CREB3L1: variants seen among roughly 807,000 people sequenced by gnomAD.
The protein encoded by CREB3L1 is cyclic AMP-responsive element-binding protein 3-like protein 1.
CREB3L1 carries 33 observed loss-of-function variants against 54.5 expected under a neutral mutation model. The observed-to-expected ratio is 0.61, with a 90% CI of 0.46 to 0.81. CREB3L1 has a LOEUF of 0.81. Ranked by LOEUF, CREB3L1 falls within the 30% of genes least tolerant of loss-of-function variation. The pLI, the probability that CREB3L1 is intolerant of heterozygous loss-of-function variation, is 0.00. For missense variants in CREB3L1, 656 were observed against 673.3 expected (o/e 0.97, Z 0.29); for synonymous variants, 284 against 286.4 (o/e 0.99, Z 0.08).
rs1939000258 is a variant in CREB3L1, at chr11:46,282,896, T to A, written c.102+4683T>A. ...GCAATAAATATGCCCAGTCAAAAATTTCCAATTATGTTCCTTTGCGGTGAC... is the reference window on the plus strand; with the variant it reads ...GCAATAAATATGCCCAGTCAAAAATATCCAATTATGTTCCTTTGCGGTGAC... On this transcript the variant is annotated intron_variant, in intron 1 of 11. Coordinates refer to ENST00000621158, the MANE Select transcript of CREB3L1 (RefSeq NM_052854.4). 2.0e-5 allele frequency among the ~76,000 whole-genome samples: 3 copies of A among 152,318 alleles called. No individual in the cohort carries two copies. In the South Asian group the frequency reaches 6.2e-4, roughly 32 times the overall value.
intron 3 of CREB3L1, among the ~76,000 whole-genome samples, chr11:46,308,941 G>A (rs937052169): frequency 6.6e-6 from 1 of 152,240 alleles, no homozygotes; most frequent in Admixed American, 6.5e-5. Flanking sequence ...GGGAAGAGGA[G>A]ACTTCAGAAA....
Position 46,316,378 on chromosome 11 carries a change from G to A in CREB3L1, c.1124G>A (p.Cys375Tyr), listed in dbSNP as rs1401379839. ...ATGGCCGCCACCCAGACTGGGACCT[G>A]CCTCATGGTAGGTGTGGCTCCCTCC... Reference protein sequence around the residue: ...YKMAATQTGTCLMVAALCFVL... With the variant: ...YKMAATQTGTYLMVAALCFVL... The change falls in exon 9 of 12, where the codon TGC becomes TAC. Residue 375 changes from cysteine (C) to tyrosine (Y), a missense_variant. Around this residue, in one of 3 missense-constraint regions of CREB3L1, gnomAD observed 240 missense variants for 219.8 expected, o/e 1.09. Transcript: ENST00000621158. 3.9e-6 allele frequency: 6 copies of A among 1,555,604 alleles called. No homozygotes were observed. Among genetic ancestry groups the A allele is most frequent in the Non-Finnish European group, 5.2e-6 (6 of 1,146,330 alleles).
intron 7 of CREB3L1, 60 bp from the exon 8 acceptor site, chr11:46,312,791 C>A: frequency 6.5e-7 from 1 of 1,549,178 alleles, no homozygotes; most frequent in Non-Finnish European, 8.8e-7. Context: ...TGGGCTGGGC[C>A]GAGGAGCTGT....
chr11:46,295,180 C>G lies in CREB3L1; in HGVS notation c.103-4755C>G, dbSNP rs565788653. 1.3e-5 allele frequency: 2 copies of G among 152,672 alleles called. No homozygotes were observed. Among genetic ancestry groups the G allele is most frequent in the Admixed American group, 1.3e-4 (2 of 15,304 alleles). 9.5% of individuals were successfully genotyped at this position (152,672 alleles called of 1,614,324 possible). On this transcript the variant is annotated intron_variant, in intron 1 of 11. Coordinates refer to ENST00000621158, the MANE Select transcript of CREB3L1 (RefSeq NM_052854.4). This position sits in a 1 kb window ranked among gnomAD's most constrained non-coding sequence, Gnocchi z 4.6. ...AACCATTCTCCTACACCGACCCCAG[C>G]AGGCAGCTGCGCCCCCAGAGCTTTA...
chr11:46,283,319 A>G (rs546312238), intron 1 of CREB3L1, among the ~76,000 whole-genome samples: 15 of 152,262 alleles, frequency 9.9e-5, no homozygotes, highest in Non-Finnish European at 2.2e-4. Context: ...AAAAAGCAGG[A>G]AAGTAAAAAT....
chr11:46,302,219 G>T (rs1040645458), intron 2 of CREB3L1, among the ~76,000 whole-genome samples: 2 of 142,422 alleles, frequency 1.4e-5, no homozygotes, highest in Non-Finnish European at 3.1e-5. Flanking sequence ...ATAATAATAA[G>T]CTGTAGACAA....
intron 2 of CREB3L1, among the ~76,000 whole-genome samples, chr11:46,300,771 C>T (rs1939285850): frequency 2.7e-5 from 4 of 149,730 alleles, no homozygotes; most frequent in South Asian, 2.1e-4. Flanking sequence ...TCTGGGAGGC[C>T]GAGGCAGGCG....
chr11:46,304,989 G>A (rs904332968), intron 2 of CREB3L1, among the ~76,000 whole-genome samples: 4 of 152,220 alleles, frequency 2.6e-5, no homozygotes, highest in African/African-American at 9.6e-5. Flanking sequence ...CTGTGGCCCA[G>A]AGCTGGGGCA....
In CREB3L1 at chr11:46,307,882, G is replaced by A. The variant is rs760202144; in HGVS notation, c.398G>A (p.Ser133Asn). Residue 133 changes from serine to asparagine, a missense_variant, in exon 3 of 12, where the codon AGC becomes AAC. By Grantham distance (46) the Ser-to-Asn change is conservative. Transcript: ENST00000621158. ...TCCATCATGGTGAAGCAGGAGCAGA[G>A]CCCGGAGCTGCCCGTGGACCCTCTG... Reference protein sequence around the residue: ...LCSIMVKQEQSPELPVDPLAA... With the variant: ...LCSIMVKQEQNPELPVDPLAA... 14 of 1,578,872 alleles carry A rather than the reference G, an allele frequency of 8.9e-6. No homozygotes were observed. The African/African-American group carries it at 1.6e-4, about 18-fold the overall frequency.
chr11:46,282,756 C>T (rs538930671), intron 1 of CREB3L1, among the ~76,000 whole-genome samples: 27 of 152,250 alleles, frequency 1.8e-4, no homozygotes, highest in East Asian at 9.6e-4. Context: ...ATTTCCTCCA[C>T]GAGAAAGTAA....
At chr11:46,314,426 G>A (rs1939535671) in intron 8 of CREB3L1, among the ~76,000 whole-genome samples, 1 of 151,840 alleles carries the variant, frequency 6.6e-6, no homozygotes, top group Non-Finnish European at 1.5e-5. Flanking sequence ...TCACTCTGTT[G>A]CCCATGCTGG....
At chr11:46,308,780 G>A (rs1338969066) in intron 3 of CREB3L1, among the ~76,000 whole-genome samples, 8 of 152,198 alleles carry the variant, frequency 5.3e-5, no homozygotes, top group Admixed American at 2.0e-4. Flanking sequence ...AGGCAAGAAA[G>A]GTCAGCCCCT....
rs1385546479 is a variant in CREB3L1, at chr11:46,320,884, T to A, written c.*138T>A. On this transcript the variant is annotated 3_prime_UTR_variant, in exon 12 of 12. Transcript: ENST00000621158. Reference sequence around the variant, plus strand: ...GAGAAAAGGCTCCACTTCCCAGCCCTTCCTTGCCCCTGACATTTGGACTCT... The same window carrying A: ...GAGAAAAGGCTCCACTTCCCAGCCCATCCTTGCCCCTGACATTTGGACTCT... 1 of 906,348 alleles carries A rather than the reference T, an allele frequency of 1.1e-6. No homozygotes were observed. The highest frequency in any genetic ancestry group is 1.4e-5 in the South Asian group (1 of 71,272). 56.1% of individuals were successfully genotyped at this position (906,348 alleles called of 1,614,324 possible).
At chr11:46,282,131 C>A (rs536278064) in intron 1 of CREB3L1, among the ~76,000 whole-genome samples, 4 of 152,012 alleles carry the variant, frequency 2.6e-5, no homozygotes, top group Non-Finnish European at 4.4e-5. Context: ...ATGAATAAAT[C>A]GATGGATGGA....
intron 1 of CREB3L1, among the ~76,000 whole-genome samples, chr11:46,297,071 A>G (rs539286134): frequency 6.6e-6 from 1 of 151,968 alleles, no homozygotes; most frequent in Non-Finnish European, 1.5e-5. Flanking sequence ...TTAGCGGCTG[A>G]CTCACCGGCT....
chr11:46,307,884 C>G lies in CREB3L1; in HGVS notation c.400C>G (p.Pro134Ala). The G allele has an allele frequency of 6.3e-7, 1 of 1,579,712 alleles. No individual in the cohort carries two copies. Among genetic ancestry groups the G allele is most frequent in the Non-Finnish European group, 8.6e-7 (1 of 1,163,272 alleles). The part of the protein sequence containing the change: ...CSIMVKQEQS[P>A]ELPVDPLAAP... ...CATCATGGTGAAGCAGGAGCAGAGC[C>G]CGGAGCTGCCCGTGGACCCTCTGGC... The change falls in exon 3 of 12, where the codon CCG (proline) becomes GCG (alanine). Residue 134 changes from proline to alanine, a missense_variant. Pro to Ala is a conservative substitution (Grantham distance 27, BLOSUM62 -1). This residue lies in a region of CREB3L1 where 339 missense variants were observed against 331.5 expected (regional missense o/e 1.02). Transcript: ENST00000621158.
chr11:46,300,878 G>A (rs930032414), intron 2 of CREB3L1, among the ~76,000 whole-genome samples: 5 of 151,998 alleles, frequency 3.3e-5, no homozygotes, highest in Non-Finnish European at 5.9e-5. Flanking sequence ...GGTGGCGGGC[G>A]CCTGTAGTCC....
Position 46,278,427 on chromosome 11 carries a change from G to T in CREB3L1, c.102+214G>T, listed in dbSNP as rs191651299. ...CTGGCCTCCACCTTCTAGGGGGAAG[G>T]GGCCATCGAGGTATCGGGTCCGTCC... is the stretch of plus-strand genomic sequence containing the variant. On this transcript the variant is annotated intron_variant, in intron 1 of 11. Coordinates refer to ENST00000621158, the MANE Select transcript of CREB3L1 (RefSeq NM_052854.4). This position sits in a 1 kb window ranked among gnomAD's most constrained non-coding sequence, Gnocchi z 4.2. Among the ~76,000 whole-genome samples, 1 of 152,202 alleles carries T rather than the reference G, an allele frequency of 6.6e-6. No homozygotes were observed. Among genetic ancestry groups the T allele is most frequent in the African/African-American group, 2.4e-5 (1 of 41,452 alleles).
rs1293014486 is a variant in CREB3L1, at chr11:46,321,393, A to T, written c.*647A>T. The T allele has an allele frequency of 0.011, 1,513 of 138,156 alleles. 4 individuals carry two copies. The highest frequency in any genetic ancestry group is 0.034 in the Middle Eastern group (10 of 290). 8.6% of individuals were successfully genotyped at this position (138,156 alleles called of 1,614,324 possible). A position where few individuals can be genotyped will look rare whatever the true frequency, so the allele number is the denominator to read the frequency against. The stretch of plus-strand genomic sequence containing the variant: ...GCACATGCTTTAAGAAAGCAAAACC[A>T]AAAAAAAAAAAAAAAAGATGCAGCA... On this transcript the variant is annotated 3_prime_UTR_variant, in exon 12 of 12. Coordinates refer to ENST00000621158, the MANE Select transcript of CREB3L1 (RefSeq NM_052854.4).
Sources: allele counts gnomAD v4.1 joint callset (sites outside exome capture counted in the v4.1 genomes callset), GRCh38; gene constraint gnomAD v4.1.1; regional missense constraint gnomAD v4.1.1; non-coding constraint Gnocchi (gnomAD v3.1); transcripts MANE v1.5; gene names NCBI Gene and HGNC (gene_info 2026-07-23, HGNC 2026-07-21).